Variants in ANKS3 observed in about 807,000 individuals in gnomAD.
ANKS3 encodes ankyrin repeat and SAM domain-containing protein 3.
In ANKS3, 62 loss-of-function variants were observed where a neutral mutation model predicts 80.7. That is an observed-to-expected ratio of 0.77 (90% CI 0.63 to 0.95). The LOEUF (loss-of-function observed/expected upper bound fraction) is 0.95. Among genes scored for constraint, ANKS3 ranks in the 40% least tolerant of loss-of-function variants. The probability of loss-of-function intolerance (pLI) is 0.00; values close to 1 mark genes in which losing one functional copy is unlikely to be tolerated. For synonymous variants in ANKS3, 489 were observed against 355.3 expected, an observed-to-expected ratio of 1.38 and a Z score of -4.23; for missense variants, 1,150 against 883.6, an observed-to-expected ratio of 1.30 and a Z score of -3.82.
rs561070773 is a variant in ANKS3 at position 4,731,945 on chromosome 16, C to T, written c.-70-366G>A. Among the ~76,000 whole-genome samples the T allele has an allele frequency of 3.3e-5, 5 of 152,198 alleles. No individual in the cohort carries two copies. The East Asian group carries it at 5.8e-4, about 18-fold the overall frequency. On this transcript the variant is annotated intron_variant, in intron 1 of 17. Coordinates refer to ENST00000304283, the MANE Select transcript of ANKS3 (RefSeq NM_133450.4). ...ACAAGGGTAGGAAAGGGAGCAAAGGCGAAAACAAAGGCCTTGTCAGGTTGT... is the reference window on the plus strand; with the variant it reads ...ACAAGGGTAGGAAAGGGAGCAAAGGTGAAAACAAAGGCCTTGTCAGGTTGT...
chr16:4,725,903 C>T (rs959446074), intron 5 of ANKS3, among the ~76,000 whole-genome samples: 63 of 151,964 alleles, frequency 4.1e-4, no homozygotes, highest in African/African-American at 1.4e-3. Flanking sequence ...CATGATCTGC[C>T]CGCCTTGGCC....
rs1435832565 is a variant in ANKS3, at chr16:4,696,596, C to A, written c.*312G>T. ...TCCTAAGGTCCCACCTCAGTTGGCA[C>A]CTGTGCGTGTATATGGATACACTTT... On this transcript the variant is annotated 3_prime_UTR_variant, in exon 18 of 18. Coordinates refer to ENST00000304283, the MANE Select transcript of ANKS3 (RefSeq NM_133450.4). The A allele has an allele frequency of 5.1e-6, 1 of 195,932 alleles. No homozygotes were observed. The highest frequency in any genetic ancestry group is 1.0e-5 in the Non-Finnish European group (1 of 95,714). 12.1% of individuals were successfully genotyped at this position (195,932 alleles called of 1,614,324 possible).
At chr16:4,702,996 G>A (rs188182284) in intron 8 of ANKS3, among the ~76,000 whole-genome samples, 1 of 152,278 alleles carries the variant, frequency 6.6e-6, no homozygotes, top group East Asian at 1.9e-4. Flanking sequence ...GTGAAACCCT[G>A]TCTCAAAAAA....
chr16:4,702,726 G>C (rs1051266427), intron 8 of ANKS3, among the ~76,000 whole-genome samples: 13 of 152,080 alleles, frequency 8.5e-5, no homozygotes, highest in Admixed American at 7.9e-4. Context: ...AAAAGGCCTT[G>C]AGGTAAAAAT....
intron 15 of ANKS3, 63 bp downstream of exon 15, chr16:4,697,914 C>A: frequency 7.1e-7 from 1 of 1,408,022 alleles, no homozygotes; most frequent in Non-Finnish European, 9.4e-7. Context: ...CTGGGTCAAA[C>A]CTGGCTTCAG....
intron 5 of ANKS3, among the ~76,000 whole-genome samples, chr16:4,726,350 G>A (rs1005459246): frequency 6.6e-6 from 1 of 152,176 alleles, no homozygotes; most frequent in Non-Finnish European, 1.5e-5. Context: ...TGCATGTAAT[G>A]TATGACATTT....
chr16:4,706,426 G>C (rs762547895), intron 7 of ANKS3, among the ~76,000 whole-genome samples: 1 of 151,812 alleles, frequency 6.6e-6, no homozygotes, highest in African/African-American at 2.4e-5. Context: ...TAGTAGAGAC[G>C]GGGTTTCACC....
At chr16:4,711,807 A>T (rs2080504424) in intron 7 of ANKS3, among the ~76,000 whole-genome samples, 1 of 152,058 alleles carries the variant, frequency 6.6e-6, no homozygotes, top group South Asian at 2.1e-4. Context: ...TCTCTCAGGA[A>T]AATATAATTT....
intron 6 of ANKS3, among the ~76,000 whole-genome samples, chr16:4,720,962 A>T (rs2081059543): frequency 6.7e-6 from 1 of 148,546 alleles, no homozygotes; most frequent in African/African-American, 2.5e-5. Flanking sequence ...ACAAACAAAA[A>T]AACTCTGATT....
intron 6 of ANKS3, among the ~76,000 whole-genome samples, chr16:4,714,865 G>A (rs538345291): frequency 2.6e-5 from 4 of 151,806 alleles, no homozygotes; most frequent in South Asian, 2.1e-4. Context: ...GGTGGTGAAC[G>A]CCTATAGTCT....
chr16:4,714,644 C>G (rs1342007611), intron 6 of ANKS3, among the ~76,000 whole-genome samples: 1 of 152,244 alleles, frequency 6.6e-6, no homozygotes, highest in African/African-American at 2.4e-5. Context: ...AACAATTCCA[C>G]TTCCATGACC....
intron 8 of ANKS3, 64 bp from the exon 9 acceptor site, chr16:4,702,306 G>A (rs1049734062): frequency 2.4e-5 from 33 of 1,391,948 alleles, no homozygotes; most frequent in Non-Finnish European, 3.0e-5. Context: ...CAGAGGCCGA[G>A]GCCCAGGATG....
intron 6 of ANKS3, among the ~76,000 whole-genome samples, chr16:4,716,676 G>C (rs1428560863): frequency 2.0e-5 from 3 of 152,048 alleles, no homozygotes; most frequent in Non-Finnish European, 2.9e-5. Context: ...CCAGCACTTT[G>C]GGGGACCAAG....
chr16:4,716,831 C>G (rs2080826561), intron 6 of ANKS3, among the ~76,000 whole-genome samples: 1 of 152,012 alleles, frequency 6.6e-6, no homozygotes, highest in South Asian at 2.1e-4. Context: ...AGGAGAAATC[C>G]TTGAATCCAG....
rs2081120256 is a variant in ANKS3, at chr16:4,721,875, A to T, written c.573+2875T>A. Among the ~76,000 whole-genome samples, 2 of 151,172 alleles carry T rather than the reference A, an allele frequency of 1.3e-5. 1 individual carries two copies. Among genetic ancestry groups the T allele is most frequent in the South Asian group, 4.2e-4 (2 of 4,750 alleles). On this transcript the variant is annotated intron_variant, in intron 6 of 17. Coordinates refer to ENST00000304283, the MANE Select transcript of ANKS3 (RefSeq NM_133450.4). Reference sequence around the variant, plus strand: ...GGTCTCAAACTCCTGACCTCAAGTGATCTGTCTGCCTTGGCCTCTCAAAGT... The same window carrying T: ...GGTCTCAAACTCCTGACCTCAAGTGTTCTGTCTGCCTTGGCCTCTCAAAGT...
rs750412093 is a variant in ANKS3, at chr16:4,705,126, G to A, written c.837C>T (p.Gly279=). ...PRALARITGI[G]LGGRAPRPRY... The stretch of plus-strand genomic sequence containing the variant: ...GAGGCCGTGGGGCTCTGCCGCCCAG[G>A]CCAATGCCTGTGATCCTGGCCAGGG... Residue 279 remains glycine (G), a synonymous_variant, in exon 8 of 18, where the codon GGC becomes GGT. Coordinates refer to ENST00000304283, the MANE Select transcript of ANKS3 (RefSeq NM_133450.4). 2 of 1,613,146 alleles carry A rather than the reference G, an allele frequency of 1.2e-6. No homozygotes were observed. The highest frequency in any genetic ancestry group is 1.7e-6 in the Non-Finnish European group (2 of 1,180,024).
intron 7 of ANKS3, among the ~76,000 whole-genome samples, chr16:4,705,966 G>A (rs574102514): frequency 6.7e-6 from 1 of 148,830 alleles, no homozygotes; most frequent in African/African-American, 2.5e-5. Flanking sequence ...TGCTCTTGCT[G>A]CCCAGGCTGG....
intron 6 of ANKS3, among the ~76,000 whole-genome samples, chr16:4,715,213 G>A (rs1456113229): frequency 6.6e-6 from 1 of 152,070 alleles, no homozygotes; most frequent in Non-Finnish European, 1.5e-5. Context: ...GGCCAAGGCA[G>A]GTGGATCGCT....
At chr16:4,699,891 G>C (rs190781299) in intron 11 of ANKS3, 1 of 152,424 alleles carries the variant, frequency 6.6e-6, no homozygotes, top group East Asian at 1.9e-4. Flanking sequence ...TCCTACTTTT[G>C]AGAGTTTATT....
Sources: allele counts gnomAD v4.1 joint callset (sites outside exome capture counted in the v4.1 genomes callset), GRCh38; gene constraint gnomAD v4.1.1; transcripts MANE v1.5; gene names NCBI Gene and HGNC (gene_info 2026-07-23, HGNC 2026-07-21).